The following NTM variants were observed in gnomAD, a reference collection of about 807,000 sequenced individuals.
The protein encoded by NTM is IgLON family member 2.
In NTM, 13 loss-of-function variants were observed where a neutral mutation model predicts 42.1. The observed-to-expected ratio is 0.31, with a 90% CI of 0.20 to 0.49. The LOEUF (loss-of-function observed/expected upper bound fraction) is 0.49. Among genes scored for constraint, NTM ranks in the 20% least tolerant of loss-of-function variants. The probability of loss-of-function intolerance (pLI) is 0.99; values close to 1 mark genes in which losing one functional copy is unlikely to be tolerated. For synonymous variants in NTM, 187 were observed against 179.2 expected (o/e 1.04, Z -0.35); for missense variants, 373 against 452.8 (o/e 0.82, Z 1.60).
chr11:131,541,249 C>T (rs566490174), intron 1 of NTM, among the ~76,000 whole-genome samples: 19 of 152,292 alleles, frequency 1.2e-4, no homozygotes, highest in Middle Eastern at 3.4e-3. Context: ...CCTCGCCTTC[C>T]GCCATGTAAT....
At chr11:132,300,581 A>T (rs2094805872) in intron 4 of NTM, among the ~76,000 whole-genome samples, 1 of 152,210 alleles carries the variant, frequency 6.6e-6, no homozygotes, top group Non-Finnish European at 1.5e-5. Flanking sequence ...TATGCAGATC[A>T]TTCGACATGA....
chr11:132,256,497 G>A (rs1442912335), intron 4 of NTM, among the ~76,000 whole-genome samples: 1 of 152,168 alleles, frequency 6.6e-6, no homozygotes, highest in Non-Finnish European at 1.5e-5. Flanking sequence ...CCACCTTTGA[G>A]TTCCATCACT....
chr11:131,501,395 G>A (rs2046813296), intron 1 of NTM, among the ~76,000 whole-genome samples: 1 of 152,176 alleles, frequency 6.6e-6, no homozygotes, highest in African/African-American at 2.4e-5. Context: ...AGAGCCAGGG[G>A]AGAATGTTCC....
At chr11:132,262,639 C>T (rs905363242) in intron 4 of NTM, among the ~76,000 whole-genome samples, 1 of 152,160 alleles carries the variant, frequency 6.6e-6, no homozygotes, top group African/African-American at 2.4e-5. Flanking sequence ...GTAAGCTAAT[C>T]ACCTCCCAAA....
chr11:131,695,848 C>G (rs767888470), intron 1 of NTM, among the ~76,000 whole-genome samples: 12 of 152,150 alleles, frequency 7.9e-5, no homozygotes, highest in Non-Finnish European at 1.8e-4. Flanking sequence ...GGCAAACTTT[C>G]CCAAGGAAAC....
intron 1 of NTM, among the ~76,000 whole-genome samples, chr11:131,428,154 C>G (rs1190863596): frequency 6.6e-6 from 1 of 152,174 alleles, no homozygotes; most frequent in Non-Finnish European, 1.5e-5. Flanking sequence ...ACGTTATTCT[C>G]AAACCTTCTC....
intron 1 of NTM, among the ~76,000 whole-genome samples, chr11:131,809,476 C>A (rs968506281): frequency 6.6e-6 from 1 of 152,152 alleles, no homozygotes; most frequent in Non-Finnish European, 1.5e-5. Flanking sequence ...CCGGTGAGGC[C>A]ACCCGTATAA....
At chr11:131,794,875 A>G in intron 1 of NTM, 1 of 985,368 alleles carries the variant, frequency 1.0e-6, no homozygotes, top group Non-Finnish European at 1.2e-6. Context: ...TCCACAGAGA[A>G]TATATGATGG....
Position 131,425,624 on chromosome 11 carries a change from C to T in NTM, c.82+54736C>T, listed in dbSNP as rs78212250. On this transcript the variant is annotated intron_variant, in intron 1 of 8. Coordinates refer to ENST00000683400, the MANE Select transcript of NTM (RefSeq NM_001352005.2). ...GGAAAGCCCCACACCTGCATAGTGT[C>T]AGTAGTGCCTTTGAGGGAGAAGGGC... Among the ~76,000 whole-genome samples, 56 of 152,256 alleles carry T rather than the reference C, an allele frequency of 3.7e-4. No homozygotes were observed. The East Asian group carries it at 9.1e-3, about 25-fold the overall frequency.
intron 2 of NTM, among the ~76,000 whole-genome samples, chr11:132,118,303 G>A (rs754969092): frequency 6.6e-6 from 1 of 152,026 alleles, no homozygotes; most frequent in Non-Finnish European, 1.5e-5. Context: ...GGCTTGTCTA[G>A]AAAGCTATTT....
chr11:132,312,741 C>T (rs1298647992), intron 6 of NTM: 1 of 154,870 alleles, frequency 6.5e-6, no homozygotes, highest in Non-Finnish European at 1.5e-5. Context: ...TCAAAACGGC[C>T]AGTGGGATCA....
At chr11:132,150,853 G>A (rs2071737288) in intron 3 of NTM, among the ~76,000 whole-genome samples, 2 of 152,124 alleles carry the variant, frequency 1.3e-5, no homozygotes, top group Admixed American at 6.5e-5. Context: ...AGATCACATG[G>A]CAAAACTGAT....
intron 2 of NTM, among the ~76,000 whole-genome samples, chr11:131,983,319 AAACAT>A (rs1440542551): frequency 1.4e-4 from 22 of 152,136 alleles, no homozygotes; most frequent in Non-Finnish European, 4.4e-5. Context: ...TTAAAAATAA[AAACAT>A]AACAAACCTC....
chr11:131,603,750 T>C lies in NTM; in HGVS notation c.82+232862T>C, dbSNP rs571155467. On this transcript the variant is annotated intron_variant, in intron 1 of 8. Transcript: ENST00000683400. ...GCTAATGTTCCCACAGATTTGCCTA[T>C]TTTGGACATTGAATATCAATGGACT... Among the ~76,000 whole-genome samples, 3 of 152,320 alleles carry C rather than the reference T, an allele frequency of 2.0e-5. No individual in the cohort carries two copies. In the South Asian group the frequency reaches 6.2e-4, roughly 32 times the overall value.
chr11:131,527,517 C>T (rs967329599), intron 1 of NTM, among the ~76,000 whole-genome samples: 5 of 152,194 alleles, frequency 3.3e-5, no homozygotes, highest in African/African-American at 1.2e-4. Flanking sequence ...TGCTCTATTT[C>T]CTGGATATAG....
intron 2 of NTM, among the ~76,000 whole-genome samples, chr11:132,102,997 TCCTCAGGG>T (rs939455431): frequency 6.6e-6 from 1 of 152,210 alleles, no homozygotes; most frequent in East Asian, 1.9e-4. Context: ...GGCCACAGGT[TCCTCAGGG>T]CCTCAGGGAG....
intron 2 of NTM, among the ~76,000 whole-genome samples, chr11:131,991,393 A>G (rs1407343196): frequency 6.6e-6 from 1 of 152,086 alleles, no homozygotes; most frequent in Non-Finnish European, 1.5e-5. Context: ...TCTTCTTCTG[A>G]TTAATTAGTA....
At chr11:131,867,855 C>A (rs762266474) in intron 1 of NTM, among the ~76,000 whole-genome samples, 2 of 152,134 alleles carry the variant, frequency 1.3e-5, no homozygotes, top group Non-Finnish European at 2.9e-5. Context: ...ACCCCACCAC[C>A]AGCAGATGGA....
At chr11:131,691,567 C>T (rs1214335295) in intron 1 of NTM, among the ~76,000 whole-genome samples, 1 of 151,240 alleles carries the variant, frequency 6.6e-6, no homozygotes, top group African/African-American at 2.4e-5. Flanking sequence ...AGCCCCCCCC[C>T]GACTTCCCTT....
Sources: gnomAD v4.1 joint callset for allele counts (sites outside exome capture counted in the v4.1 genomes callset) on GRCh38, gnomAD v4.1.1 for gene constraint, MANE v1.5 for transcripts, NCBI Gene and HGNC (gene_info 2026-07-23, HGNC 2026-07-21) for gene names.